TENM2: variants seen among roughly 807,000 people sequenced by gnomAD.
TENM2 encodes teneurin transmembrane protein 2, also known as teneurin-2.
Under a neutral mutation model 245.2 loss-of-function variants are expected in TENM2, and 52 were observed. That is an observed-to-expected ratio of 0.21 (90% CI 0.17 to 0.27). The LOEUF (loss-of-function observed/expected upper bound fraction) is 0.27. Ranked by LOEUF, TENM2 falls within the 10% of genes least tolerant of loss-of-function variation. TENM2 has a pLI of 1.00. For missense variants in TENM2, 3,046 were observed against 3,666.8 expected (o/e 0.83, Z 4.37); for synonymous variants, 1,363 against 1,438.9 (o/e 0.95, Z 1.19).
At chr5:167,492,675 G>A (rs1768509456) in intron 2 of TENM2, among the ~76,000 whole-genome samples, 1 of 152,052 alleles carries the variant, frequency 6.6e-6, no homozygotes, top group African/African-American at 2.4e-5. Context: ...TGCCATGCAA[G>A]AGTAAAACAA....
chr5:167,719,997 G>T (rs189132895), intron 2 of TENM2, among the ~76,000 whole-genome samples: 2 of 150,348 alleles, frequency 1.3e-5, no homozygotes, highest in Admixed American at 6.6e-5. Context: ...GTTAAAAAGA[G>T]GGGGGGGCTT....
chr5:167,363,772 A>G (rs1759865722), intron 1 of TENM2, among the ~76,000 whole-genome samples: 1 of 151,476 alleles, frequency 6.6e-6, no homozygotes, highest in African/African-American at 2.4e-5. Context: ...AAAGAGAAAA[A>G]GGAAACAAAC....
intron 15 of TENM2, among the ~76,000 whole-genome samples, chr5:168,195,570 G>A (rs1002422571): frequency 7.8e-4 from 95 of 122,220 alleles, no homozygotes; most frequent in African/African-American, 2.3e-3. Context: ...GTGTGTGTGT[G>A]TGTGTGTGTG....
intron 2 of TENM2, among the ~76,000 whole-genome samples, chr5:167,779,511 A>T (rs1393926315): frequency 6.6e-6 from 1 of 152,182 alleles, no homozygotes; most frequent in African/African-American, 2.4e-5. Context: ...GGTGTCTAAA[A>T]TTTCACAAAA....
chr5:167,938,711 A>T (rs1778928256), intron 3 of TENM2: 1 of 152,192 alleles, frequency 6.6e-6, no homozygotes, highest in Admixed American at 6.5e-5. Flanking sequence ...AATTGAGGCC[A>T]AGGCAGTCAG....
intron 9 of TENM2, among the ~76,000 whole-genome samples, chr5:168,113,872 G>A (rs965514426): frequency 1.2e-4 from 19 of 152,076 alleles, no homozygotes; most frequent in East Asian, 5.8e-4. Context: ...TTCTGCTCCC[G>A]TAAGCCTTAG....
At chr5:167,708,583 CCATT>C (rs1303757834) in intron 2 of TENM2, among the ~76,000 whole-genome samples, 2 of 152,160 alleles carry the variant, frequency 1.3e-5, no homozygotes, top group African/African-American at 4.8e-5. Flanking sequence ...TTCTATTTCT[CCATT>C]CACTGGCAGA....
chr5:167,698,092 T>C (rs894106438), intron 2 of TENM2, among the ~76,000 whole-genome samples: 4 of 152,200 alleles, frequency 2.6e-5, no homozygotes, highest in African/African-American at 9.6e-5. Flanking sequence ...TCTTTTCCTT[T>C]ACTCATTGTA....
At chr5:167,291,973 T>G (rs1305114408) in intron 1 of TENM2, among the ~76,000 whole-genome samples, 1 of 152,124 alleles carries the variant, frequency 6.6e-6, no homozygotes, top group Non-Finnish European at 1.5e-5. Flanking sequence ...CTCACAATCA[T>G]GGTAGAAGGC....
At chr5:168,167,901 C>A (rs1758449546) in intron 13 of TENM2, among the ~76,000 whole-genome samples, 1 of 152,166 alleles carries the variant, frequency 6.6e-6, no homozygotes, top group Admixed American at 6.5e-5. Flanking sequence ...TTACAAGACA[C>A]CTGGCTCATA....
rs147930822 is a variant in TENM2 at position 167,749,466 on chromosome 5, T to A, written c.503-126520T>A. On this transcript the variant is annotated intron_variant, in intron 2 of 28. Transcript: ENST00000518659. ...CAGCCTGGCCAACTTGATGAAACCC[T>A]GCCTCTACTAAAAATACAAAAATCA... 1.7e-3 allele frequency among the ~76,000 whole-genome samples: 261 copies of A among 152,072 alleles called. 2 individuals carry two copies. Among genetic ancestry groups the A allele is most frequent in the African/African-American group, 6.0e-3 (247 of 41,508 alleles).
chr5:167,873,505 T>G (rs930633593), intron 2 of TENM2, among the ~76,000 whole-genome samples: 5 of 152,178 alleles, frequency 3.3e-5, no homozygotes, highest in Admixed American at 6.5e-5. Context: ...GGTCTCAGTT[T>G]CCTCATGTAT....
chr5:167,903,281 A>G (rs1330601442), intron 3 of TENM2, among the ~76,000 whole-genome samples: 1 of 152,128 alleles, frequency 6.6e-6, no homozygotes, highest in Non-Finnish European at 1.5e-5. Flanking sequence ...AGAGTACCCA[A>G]GAAAGATGTG....
intron 2 of TENM2, among the ~76,000 whole-genome samples, chr5:167,601,577 T>C (rs1776640025): frequency 6.6e-6 from 1 of 152,258 alleles, no homozygotes; most frequent in African/African-American, 2.4e-5. Context: ...AACTGTGTTT[T>C]TGGATATCTG....
chr5:167,099,701 A>G, the TENM2 span, among the ~76,000 whole-genome samples: 1 of 152,210 alleles, frequency 6.6e-6, no homozygotes, highest in Admixed American at 6.5e-5. Flanking sequence ...GTCTCAAAAC[A>G]AAACAAAACA....
chr5:167,755,569 CTCTG>C (rs1762259404), intron 2 of TENM2, among the ~76,000 whole-genome samples: 1 of 152,150 alleles, frequency 6.6e-6, no homozygotes, highest in African/African-American at 2.4e-5. Context: ...TTTCAAGTGA[CTCTG>C]TCTGCATCTG....
intron 12 of TENM2, among the ~76,000 whole-genome samples, chr5:168,144,178 C>CTT (rs138211831): frequency 2.7e-5 from 4 of 146,248 alleles, no homozygotes; most frequent in African/African-American, 1.0e-4. Context: ...TCTTTTAAGT[C>CTT]TTTTTTTTTT....
chr5:168,259,258 G>A (rs1259223358), intron 27 of TENM2, among the ~76,000 whole-genome samples: 1 of 151,794 alleles, frequency 6.6e-6, no homozygotes, highest in Non-Finnish European at 1.5e-5. Context: ...TCTTACTCTG[G>A]GCAGTCAGTA....
the TENM2 span, among the ~76,000 whole-genome samples, chr5:167,260,294 A>G: frequency 6.6e-6 from 1 of 152,158 alleles, no homozygotes; most frequent in Non-Finnish European, 1.5e-5. Flanking sequence ...TTTTGGAGGA[A>G]AAAAATCATT....
Sources: gnomAD v4.1 joint callset for allele counts (sites outside exome capture counted in the v4.1 genomes callset) on GRCh38, gnomAD v4.1.1 for gene constraint, MANE v1.5 for transcripts, NCBI Gene and HGNC (gene_info 2026-07-23, HGNC 2026-07-21) for gene names.